The following IL12RB2 variants were observed in gnomAD, a reference collection of about 807,000 sequenced individuals.
IL12RB2 encodes interleukin 12 receptor subunit beta 2.
In IL12RB2, 82 loss-of-function variants were observed where a neutral mutation model predicts 89.4. That is an observed-to-expected ratio of 0.92 (90% confidence interval 0.77 to 1.10). The LOEUF (loss-of-function observed/expected upper bound fraction) is 1.10, where lower values mean the gene tolerates loss of function less well. Among genes scored for constraint, IL12RB2 ranks in the 50% least tolerant of loss-of-function variants. The pLI is 0.00. For synonymous variants in IL12RB2, 368 were observed against 370.1 expected (o/e 0.99, Z 0.07); for missense variants, 963 against 1,031.9 (o/e 0.93, Z 0.92).
intron 4 of IL12RB2, 82 bp from the exon 5 acceptor site, chr1:67,326,653 T>A: frequency 9.0e-6 from 14 of 1,561,154 alleles, no homozygotes; most frequent in Non-Finnish European, 1.2e-5. Context: ...GGGGACGTAT[T>A]GTCATGTTGA....
chr1:67,333,247 G>T (rs541849178), intron 8 of IL12RB2, among the ~76,000 whole-genome samples: 1 of 151,830 alleles, frequency 6.6e-6, no homozygotes, highest in Non-Finnish European at 1.5e-5. Context: ...CCCCTTACCC[G>T]CTGTTTCTGT....
At chr1:67,358,948 C>A (rs1045216394) in intron 10 of IL12RB2, among the ~76,000 whole-genome samples, 1 of 152,096 alleles carries the variant, frequency 6.6e-6, no homozygotes, top group African/African-American at 2.4e-5. Flanking sequence ...TCGAGACCAG[C>A]CTGGCCAACA....
At chr1:67,330,025 A>G (rs1657848643) in intron 7 of IL12RB2, among the ~76,000 whole-genome samples, 1 of 152,172 alleles carries the variant, frequency 6.6e-6, no homozygotes, top group East Asian at 1.9e-4. Context: ...ATTATTTTTT[A>G]GCATTTAAAA....
chr1:67,329,240 C>A (rs1295763563), intron 6 of IL12RB2, among the ~76,000 whole-genome samples: 3 of 152,198 alleles, frequency 2.0e-5, no homozygotes, highest in Non-Finnish European at 4.4e-5. Flanking sequence ...TCATCACTAG[C>A]CGTCTCTGGC....
intron 2 of IL12RB2, among the ~76,000 whole-genome samples, chr1:67,318,735 G>C (rs1326600570): frequency 2.0e-5 from 3 of 152,112 alleles, no homozygotes; most frequent in African/African-American, 7.2e-5. Flanking sequence ...TTGAGAATCT[G>C]TTAGACATCT....
At chr1:67,359,204 C>T (rs530780033) in intron 10 of IL12RB2, among the ~76,000 whole-genome samples, 65 of 152,170 alleles carry the variant, frequency 4.3e-4, no homozygotes, top group African/African-American at 1.5e-3. Flanking sequence ...CAAAAAAGCC[C>T]CAGCCCCACA....
intron 11 of IL12RB2, among the ~76,000 whole-genome samples, chr1:67,371,915 G>A (rs1663383460): frequency 6.6e-6 from 1 of 152,214 alleles, no homozygotes; most frequent in African/African-American, 2.4e-5. Flanking sequence ...ATCTTGATAA[G>A]CATCGCAGAA....
chr1:67,353,680 T>C (rs1661079145), intron 10 of IL12RB2, among the ~76,000 whole-genome samples: 4 of 152,360 alleles, frequency 2.6e-5, no homozygotes, highest in South Asian at 4.1e-4. Flanking sequence ...AGATCATTTG[T>C]ACATCTGGAA....
At chr1:67,374,844 G>C (rs923988137) in intron 13 of IL12RB2, among the ~76,000 whole-genome samples, 2 of 132,332 alleles carry the variant, frequency 1.5e-5, no homozygotes, top group African/African-American at 5.8e-5. Context: ...AAAGCCTCTT[G>C]AGTCTGTTGA....
intron 10 of IL12RB2, among the ~76,000 whole-genome samples, chr1:67,356,305 C>T (rs950560545): frequency 6.6e-6 from 1 of 152,188 alleles, no homozygotes; most frequent in Non-Finnish European, 1.5e-5. Context: ...TACTTGTTCT[C>T]TTTGTTTTTT....
chr1:67,320,890 GC>G (rs1229903336), intron 3 of IL12RB2, among the ~76,000 whole-genome samples: 1 of 41,722 alleles, frequency 2.4e-5, no homozygotes, highest in South Asian at 8.9e-4. Context: ...CCCTCCCCCA[GC>G]CCCCACCCCA....
chr1:67,374,576 A>G (rs1466540620), intron 13 of IL12RB2, among the ~76,000 whole-genome samples: 1 of 151,622 alleles, frequency 6.6e-6, no homozygotes, highest in Non-Finnish European at 1.5e-5. Context: ...CCCGGGTTCA[A>G]GTGATTCTCC....
chr1:67,345,975 G>A (rs913738390), intron 9 of IL12RB2, among the ~76,000 whole-genome samples: 9 of 152,182 alleles, frequency 5.9e-5, no homozygotes, highest in African/African-American at 2.2e-4. Flanking sequence ...TGCCAAACAA[G>A]ATAGAAATCA....
rs146036661 is a variant in IL12RB2, at chr1:67,339,136, G to A, written c.1038+433G>A. Among the ~76,000 whole-genome samples the A allele has an allele frequency of 4.9e-3, 753 of 152,264 alleles. 9 individuals are homozygous for A. The highest frequency in any genetic ancestry group is 7.5e-3 in the Non-Finnish European group (511 of 68,014). On this transcript the variant is annotated intron_variant, in intron 9 of 16. Coordinates refer to ENST00000674203, the MANE Select transcript of IL12RB2 (RefSeq NM_001374259.2). ...TAATAATGTTTGTTAAGTCATTGAA[G>A]AGGGAGAAGGAGGAAAGAAAGCTGC...
chr1:67,388,015 T>C (rs946284039), intron 15 of IL12RB2, among the ~76,000 whole-genome samples: 1 of 152,068 alleles, frequency 6.6e-6, no homozygotes, highest in African/African-American at 2.4e-5. Context: ...CTGTCTCTAC[T>C]GAAAATACAA....
At chr1:67,363,208 CTTATT>C (rs1178707659) in intron 10 of IL12RB2, among the ~76,000 whole-genome samples, 139 of 122,122 alleles carry the variant, frequency 1.1e-3, no homozygotes, top group Non-Finnish European at 2.0e-3. Context: ...GCCAATTATT[CTTATT>C]TTTTTTTTTT....
At chr1:67,330,391 G>T (rs1657905284) in intron 7 of IL12RB2, among the ~76,000 whole-genome samples, 1 of 151,770 alleles carries the variant, frequency 6.6e-6, no homozygotes, top group Non-Finnish European at 1.5e-5. Context: ...TTATTTTTCA[G>T]CTGGTTTCAG....
chr1:67,378,077 A>G (rs1046168764), intron 13 of IL12RB2, among the ~76,000 whole-genome samples: 1 of 152,172 alleles, frequency 6.6e-6, no homozygotes, highest in Non-Finnish European at 1.5e-5. Context: ...AGATTGTGCC[A>G]TTGCACTCCA....
chr1:67,396,395 A>G lies in IL12RB2; in HGVS notation c.*306A>G. 6.2e-6 allele frequency: 3 copies of G among 485,800 alleles called. No homozygotes were observed. The highest frequency in any genetic ancestry group is 5.9e-4 in the Middle Eastern group (1 of 1,682). 30.1% of individuals were successfully genotyped at this position (485,800 alleles called of 1,614,324 possible). On this transcript the variant is annotated 3_prime_UTR_variant, in exon 17 of 17. Coordinates refer to ENST00000674203, the MANE Select transcript of IL12RB2 (RefSeq NM_001374259.2). Reference sequence around the variant, plus strand: ...GGCCAGAAAGGGAAATGAGGAGGAGAGTAGAAACCACAGCTCTTAGTAGTA... The same window carrying G: ...GGCCAGAAAGGGAAATGAGGAGGAGGGTAGAAACCACAGCTCTTAGTAGTA...
Sources: allele counts gnomAD v4.1 joint callset (sites outside exome capture counted in the v4.1 genomes callset), GRCh38; gene constraint gnomAD v4.1.1; transcripts MANE v1.5; gene names NCBI Gene and HGNC (gene_info 2026-07-23, HGNC 2026-07-21).